The following CCDC63 variants were observed in gnomAD, a reference collection of about 807,000 sequenced individuals.
CCDC63 encodes coiled-coil domain containing 63, also known as coiled-coil domain-containing protein 63.
A neutral mutation model predicts 63.6 loss-of-function variants in CCDC63; 54 were observed. The ratio of observed to expected loss-of-function variants is 0.85; its 90% CI spans 0.68 to 1.07. The LOEUF is 1.07. Ranked by LOEUF, CCDC63 falls within the 50% of genes least tolerant of loss-of-function variation. The pLI is 0.00. For missense variants in CCDC63, 637 were observed against 689.6 expected (o/e 0.92, Z 0.86); for synonymous variants, 253 against 266.1 (o/e 0.95, Z 0.48).
chr12:110,889,706 A>G lies in CCDC63; in HGVS notation c.1075-3370A>G, dbSNP rs1054171531. Reference sequence around the variant, plus strand: ...GCCATGGGAGATCTCCGAGCAGGGGAGCGGTGCCATCGACTCAGGTTATTG... The same window carrying G: ...GCCATGGGAGATCTCCGAGCAGGGGGGCGGTGCCATCGACTCAGGTTATTG... On this transcript the variant is annotated intron_variant, in intron 8 of 11. Transcript: ENST00000308208. The surrounding 1 kb of genome is among the most constrained non-coding windows in gnomAD (Gnocchi z 4.1). Among the ~76,000 whole-genome samples, 8 of 152,088 alleles carry G rather than the reference A, an allele frequency of 5.3e-5. No homozygotes were observed. The highest frequency in any genetic ancestry group is 1.9e-4 in the African/African-American group (8 of 41,412).
At chr12:110,887,545 T>TG (rs1000987264) in intron 8 of CCDC63, among the ~76,000 whole-genome samples, 6 of 152,002 alleles carry the variant, frequency 3.9e-5, no homozygotes, top group African/African-American at 1.2e-4. Flanking sequence ...GGAGTGGCGG[T>TG]GGGATGGGCC....
intron 10 of CCDC63, among the ~76,000 whole-genome samples, chr12:110,901,415 A>G (rs1457466386): frequency 2.0e-5 from 3 of 152,002 alleles, no homozygotes; most frequent in Non-Finnish European, 4.4e-5. Flanking sequence ...TTTTGTAGAT[A>G]TGGGGTCTCG....
At position 110,873,863 on chromosome 12, in the gene CCDC63, A is replaced by G. The variant is rs757817548; in HGVS notation, c.391A>G (p.Ile131Val). The change falls in exon 5 of 12, where the codon ATC becomes GTC. Residue 131 changes from isoleucine (I) to valine (V), a missense_variant. Transcript: ENST00000308208. ...DEKILQMEKK[I>V]ANQKQIFAKM... ...TCAGATTCTTCAGATGGAAAAAAAAATCGCAAACCAAAAACAGATTTTCGC... is the reference window on the plus strand; with the variant it reads ...TCAGATTCTTCAGATGGAAAAAAAAGTCGCAAACCAAAAACAGATTTTCGC... The G allele has an allele frequency of 1.2e-6, 2 of 1,613,120 alleles. No individual in the cohort carries two copies. The highest frequency in any genetic ancestry group is 2.2e-5 in the South Asian group (2 of 90,966).
At chr12:110,846,237 A>G (rs947595463), upstream of CCDC63, among the ~76,000 whole-genome samples, 8 of 152,214 alleles carry the variant, frequency 5.3e-5, no homozygotes, top group African/African-American at 1.9e-4. Flanking sequence ...TGGAATCAAA[A>G]TTACTGTAGA....
At chr12:110,861,579 C>CT (rs923202844) in intron 4 of CCDC63, among the ~76,000 whole-genome samples, 53 of 149,356 alleles carry the variant, frequency 3.5e-4, no homozygotes, top group Admixed American at 1.3e-3. Flanking sequence ...CTCAAATGCT[C>CT]TTTTTTTTTT....
chr12:110,847,642 C>CA (rs1345321626), intron 1 of CCDC63, among the ~76,000 whole-genome samples: 1 of 151,276 alleles, frequency 6.6e-6, no homozygotes, highest in Non-Finnish European at 1.5e-5. Flanking sequence ...AACAAACAAA[C>CA]AAAAAACAAG....
At chr12:110,870,585 C>G (rs2071051891) in intron 4 of CCDC63, among the ~76,000 whole-genome samples, 1 of 152,212 alleles carries the variant, frequency 6.6e-6, no homozygotes, top group South Asian at 2.1e-4. Context: ...ATGCATCCCT[C>G]CATCCTCTGC....
At chr12:110,886,925 A>G (rs1315204260) in intron 8 of CCDC63, among the ~76,000 whole-genome samples, 1 of 152,154 alleles carries the variant, frequency 6.6e-6, no homozygotes, top group African/African-American at 2.4e-5. Flanking sequence ...ATTCACCTTG[A>G]GGCTGCTCTC....
intron 4 of CCDC63, among the ~76,000 whole-genome samples, chr12:110,867,200 C>G (rs1261924918): frequency 2.3e-5 from 3 of 131,150 alleles, no homozygotes; most frequent in Non-Finnish European, 3.3e-5. Context: ...CCCTCCCGGA[C>G]GGGGCGGCTG....
chr12:110,893,250 C>A, intron 9 of CCDC63, 100 bp downstream of exon 9: 2 of 951,446 alleles, frequency 2.1e-6, no homozygotes, highest in Non-Finnish European at 3.3e-6. Flanking sequence ...CATCTGTCAG[C>A]TGCTTCTCAG....
intron 9 of CCDC63, among the ~76,000 whole-genome samples, chr12:110,896,670 C>A (rs960026419): frequency 6.6e-6 from 1 of 152,170 alleles, no homozygotes; most frequent in African/African-American, 2.4e-5. Context: ...TCCAGCTGCA[C>A]GTCACAATCA....
intron 8 of CCDC63, among the ~76,000 whole-genome samples, chr12:110,888,478 G>C (rs1459990897): frequency 1.3e-5 from 2 of 152,204 alleles, no homozygotes; most frequent in African/African-American, 4.8e-5. Context: ...TTCCCCATCT[G>C]TAGAGTGATA....
At position 110,885,271 on chromosome 12, in the gene CCDC63, T is replaced by C. The variant is rs78605674; in HGVS notation, c.1074+1021T>C. On this transcript the variant is annotated intron_variant, in intron 8 of 11. Transcript: ENST00000308208. ...TGGCCCCTTACCTGACCCTTGTTAA[T>C]CAACAGTTTCGAGGAGTGAGAACTC... Among the ~76,000 whole-genome samples, 896 of 152,182 alleles carry C rather than the reference T, an allele frequency of 5.9e-3. 1 individual carries two copies. Among genetic ancestry groups the C allele is most frequent in the Non-Finnish European group, 8.9e-3 (604 of 67,994 alleles).
At chr12:110,883,036 AT>A (rs11350129) in intron 7 of CCDC63, among the ~76,000 whole-genome samples, 30,450 of 137,834 alleles carry the variant, frequency 0.22, 3,325 homozygotes, top group Admixed American at 0.26. Context: ...CTAATTTTAA[AT>A]TTTTTTTTTT....
At chr12:110,853,064 T>G in intron 2 of CCDC63, 101 bp downstream of exon 2, 9 of 1,344,434 alleles carry the variant, frequency 6.7e-6, no homozygotes, top group Non-Finnish European at 9.5e-6. Context: ...CAAACAGATC[T>G]GTGCTCACCC....
At position 110,904,620 on chromosome 12, in the gene CCDC63, C is replaced by A; in HGVS notation, c.1375C>A (p.Leu459Met). The A allele has an allele frequency of 6.2e-7, 1 of 1,614,104 alleles. No individual in the cohort carries two copies. Among genetic ancestry groups the A allele is most frequent in the Non-Finnish European group, 8.5e-7 (1 of 1,180,022 alleles). Residue 459 changes from leucine to methionine, a missense_variant, in exon 11 of 12, where the codon CTG (leucine) becomes ATG (methionine). Physicochemically the swap from Leu to Met is conservative, Grantham distance 15. Transcript: ENST00000308208. ...TGAAAAGAAGACCAACGACCTGCTG[C>A]TGTTGGAGACCTACAGGCGCATCCT... ...IIEKKTNDLL[L>M]LETYRRILEV...
intron 9 of CCDC63, among the ~76,000 whole-genome samples, chr12:110,893,848 T>C (rs1268351902): frequency 6.6e-6 from 1 of 151,986 alleles, no homozygotes; most frequent in Non-Finnish European, 1.5e-5. Flanking sequence ...AATACAAAAA[T>C]TAGCCAGGTG....
intron 8 of CCDC63, among the ~76,000 whole-genome samples, chr12:110,890,773 CTTTTTTTT>C (rs769120162): frequency 1.2e-4 from 12 of 98,408 alleles, no homozygotes; most frequent in Admixed American, 1.1e-3. Context: ...TCCTCCTTTT[CTTTTTTTT>C]TTTTTTTTTT....
In CCDC63 at chr12:110,867,508, C is replaced by T. The variant is rs1384148769; in HGVS notation, c.370-6334C>T. On this transcript the variant is annotated intron_variant, in intron 4 of 11. Transcript: ENST00000308208. Reference sequence around the variant, plus strand: ...GGCGCCCCTCACCTCCGGGATGGGGCGGCTGGCCGGGCGGGGGGCTGACCC... The same window carrying T: ...GGCGCCCCTCACCTCCGGGATGGGGTGGCTGGCCGGGCGGGGGGCTGACCC... Among the ~76,000 whole-genome samples, 41 of 108,136 alleles carry T rather than the reference C, an allele frequency of 3.8e-4. 2 individuals carry two copies. The highest frequency in any genetic ancestry group is 3.0e-3 in the Admixed American group (34 of 11,326). The allele number at this position is 108,136 out of a possible 152,430, so 70.9% of individuals were successfully genotyped here. A position where few individuals can be genotyped will look rare whatever the true frequency, so the allele number is the denominator to read the frequency against.
Sources: allele counts gnomAD v4.1 joint callset (sites outside exome capture counted in the v4.1 genomes callset), GRCh38; gene constraint gnomAD v4.1.1; non-coding constraint Gnocchi (gnomAD v3.1); transcripts MANE v1.5; gene names NCBI Gene and HGNC (gene_info 2026-07-23, HGNC 2026-07-21).